The following SDK1 variants were observed in gnomAD, a reference collection of about 807,000 sequenced individuals.
SDK1 encodes protein sidekick-1.
A neutral mutation model predicts 245.5 loss-of-function variants in SDK1; 157 were observed. That is an observed-to-expected ratio of 0.64 (90% CI 0.56 to 0.73). The LOEUF (loss-of-function observed/expected upper bound fraction) is 0.73, where lower values mean the gene tolerates loss of function less well. Ranked by LOEUF, SDK1 falls within the 30% of genes least tolerant of loss-of-function variation. The pLI is 0.00. For synonymous variants in SDK1, 1,647 were observed against 1,278.5 expected, an observed-to-expected ratio of 1.29 and a Z score of -6.15; for missense variants, 3,583 against 3,002.3, an observed-to-expected ratio of 1.19 and a Z score of -4.52.
intron 1 of SDK1, chr7:3,302,131 A>T (rs1779285917): frequency 5.4e-6 from 1 of 183,790 alleles, no homozygotes; most frequent in Non-Finnish European, 1.1e-5. Context: ...CAGTAGCACA[A>T]ACAAAAATTT....
intron 3 of SDK1, among the ~76,000 whole-genome samples, 194 bp from the exon 4 acceptor site, chr7:3,641,764 C>T (rs977615449): frequency 5.3e-5 from 8 of 152,166 alleles, no homozygotes; most frequent in Non-Finnish European, 1.0e-4. Context: ...GCTTTGGAGG[C>T]GCGTGGCTTG....
At chr7:3,823,621 T>A (rs1186978870) in intron 5 of SDK1, among the ~76,000 whole-genome samples, 1 of 152,338 alleles carries the variant, frequency 6.6e-6, no homozygotes, top group African/African-American at 2.4e-5. Flanking sequence ...CCGAAAAGTA[T>A]ATTGAAAGCT....
At chr7:3,984,770 C>T (rs1383883741) in intron 13 of SDK1, among the ~76,000 whole-genome samples, 1 of 152,210 alleles carries the variant, frequency 6.6e-6, no homozygotes, top group Non-Finnish European at 1.5e-5. Context: ...TACAGATGGT[C>T]ATCTGACATT....
chr7:4,127,603 G>C, intron 26 of SDK1, 107 bp downstream of exon 26: 1 of 773,236 alleles, frequency 1.3e-6, no homozygotes, highest in African/African-American at 1.7e-5. Flanking sequence ...CTACAGATCT[G>C]CAGCGTCAGC....
At chr7:3,915,074 G>A (rs573167032) in intron 5 of SDK1, among the ~76,000 whole-genome samples, 5 of 152,298 alleles carry the variant, frequency 3.3e-5, no homozygotes, top group South Asian at 2.1e-4. Flanking sequence ...TTGTACGGCC[G>A]TGGAATCTGA....
intron 25 of SDK1, among the ~76,000 whole-genome samples, chr7:4,120,952 A>G (rs1784023447): frequency 6.6e-6 from 1 of 151,648 alleles, no homozygotes. Context: ...AAAGAAAGAA[A>G]CCTATGGCAA....
At chr7:4,034,309 C>T (rs959555975) in intron 17 of SDK1, among the ~76,000 whole-genome samples, 4 of 152,132 alleles carry the variant, frequency 2.6e-5, no homozygotes, top group Non-Finnish European at 4.4e-5. Context: ...CCACAGAAGA[C>T]GTTGTGGGAA....
intron 4 of SDK1, among the ~76,000 whole-genome samples, chr7:3,808,167 A>C (rs1194299629): frequency 6.6e-6 from 1 of 152,186 alleles, no homozygotes; most frequent in Admixed American, 6.5e-5. Flanking sequence ...ATGCATGCAG[A>C]GCACACAGCA....
At chr7:3,687,624 G>A (rs1165252286) in intron 4 of SDK1, among the ~76,000 whole-genome samples, 1 of 152,170 alleles carries the variant, frequency 6.6e-6, no homozygotes, top group Non-Finnish European at 1.5e-5. Context: ...AGTCCCAAGA[G>A]ATCGCATATG....
chr7:3,745,887 A>G (rs1050266842), intron 4 of SDK1, among the ~76,000 whole-genome samples: 1 of 152,220 alleles, frequency 6.6e-6, no homozygotes, highest in Non-Finnish European at 1.5e-5. Context: ...GATTTTCTGT[A>G]TAATTATGAT....
chr7:3,350,529 C>A (rs913789004), intron 1 of SDK1, among the ~76,000 whole-genome samples: 1 of 152,116 alleles, frequency 6.6e-6, no homozygotes, highest in Non-Finnish European at 1.5e-5. Context: ...ATTAATAATA[C>A]TGATAGTATG....
At position 3,637,801 on chromosome 7, in the gene SDK1, C is replaced by T. The variant is rs147110019; in HGVS notation, c.459-1203C>T. Among the ~76,000 whole-genome samples, 13 of 152,294 alleles carry T rather than the reference C, an allele frequency of 8.5e-5. No individual in the cohort carries two copies. The East Asian group carries it at 2.1e-3, about 25-fold the overall frequency. On this transcript the variant is annotated intron_variant, in intron 2 of 44. Coordinates refer to ENST00000404826, the MANE Select transcript of SDK1 (RefSeq NM_152744.4). ...TTTTTAAAGTTAACATCAGGGAATA[C>T]GTGGAGAAGTAAGGAAAGGAAGTGA... is the stretch of plus-strand genomic sequence containing the variant.
At chr7:3,781,347 T>C (rs947792620) in intron 4 of SDK1, among the ~76,000 whole-genome samples, 6 of 152,032 alleles carry the variant, frequency 3.9e-5, no homozygotes, top group Admixed American at 3.9e-4. Context: ...CCCAACTAAG[T>C]TGTGAACTCT....
intron 36 of SDK1, among the ~76,000 whole-genome samples, chr7:4,207,667 G>C (rs570594626): frequency 2.6e-5 from 4 of 152,174 alleles, no homozygotes; most frequent in Non-Finnish European, 5.9e-5. Context: ...GGAGCAGGGG[G>C]TGGACACGGG....
rs73298257 is a variant in SDK1, at chr7:3,651,078, A to G, written c.713+8973A>G. On this transcript the variant is annotated intron_variant, in intron 4 of 44. Transcript: ENST00000404826. ...GACTTCATTGTGTTCATACACACAC[A>G]TGCCCAGGAGTGGAATGACTGGGCT... Among the ~76,000 whole-genome samples, 1,204 of 150,032 alleles carry G rather than the reference A, an allele frequency of 8.0e-3. 17 individuals carry two copies. Among genetic ancestry groups the G allele is most frequent in the African/African-American group, 0.028 (1,133 of 40,832 alleles).
At chr7:3,986,702 A>G (rs530389576) in intron 13 of SDK1, among the ~76,000 whole-genome samples, 1 of 152,258 alleles carries the variant, frequency 6.6e-6, no homozygotes, top group South Asian at 2.1e-4. Flanking sequence ...CTCTACTAAA[A>G]ATACAAAAAT....
chr7:4,036,788 G>A (rs1188560071), intron 17 of SDK1, among the ~76,000 whole-genome samples: 1 of 152,074 alleles, frequency 6.6e-6, no homozygotes, highest in East Asian at 1.9e-4. Context: ...AAGAAAACAG[G>A]CCCTCACCAG....
intron 1 of SDK1, among the ~76,000 whole-genome samples, chr7:3,579,786 G>A (rs1416769078): frequency 1.3e-5 from 2 of 152,090 alleles, no homozygotes; most frequent in South Asian, 2.1e-4. Context: ...GCAAAGAAAG[G>A]GCATCCAAAG....
At chr7:4,180,784 A>C (rs903178087) in intron 35 of SDK1, among the ~76,000 whole-genome samples, 6 of 152,162 alleles carry the variant, frequency 3.9e-5, no homozygotes, top group African/African-American at 1.4e-4. Context: ...AAGAGAGCGC[A>C]AGAGGGAGGT....
Sources: allele counts gnomAD v4.1 joint callset (sites outside exome capture counted in the v4.1 genomes callset), GRCh38; gene constraint gnomAD v4.1.1; transcripts MANE v1.5; gene names NCBI Gene and HGNC (gene_info 2026-07-23, HGNC 2026-07-21).